PPP1R36: variants seen among roughly 807,000 people sequenced by gnomAD.
PPP1R36 encodes the protein protein phosphatase 1 regulatory subunit 36.
A neutral mutation model predicts 53.4 loss-of-function variants in PPP1R36; 47 were observed. That is an observed-to-expected ratio of 0.88 (90% confidence interval 0.70 to 1.12). PPP1R36 has a LOEUF of 1.12. Among genes scored for constraint, PPP1R36 ranks in the 50% most tolerant of loss-of-function variants. The pLI is 0.00. For synonymous variants in PPP1R36, 153 were observed against 170.5 expected, an observed-to-expected ratio of 0.90 and a Z score of 0.80; for missense variants, 456 against 513.9, an observed-to-expected ratio of 0.89 and a Z score of 1.09.
At chr14:64,569,711 C>A (rs2080288213) in intron 7 of PPP1R36, among the ~76,000 whole-genome samples, 1 of 150,834 alleles carries the variant, frequency 6.6e-6, no homozygotes, top group Non-Finnish European at 1.5e-5. Flanking sequence ...GCTAATCTGG[C>A]AAAAAGATTT....
chr14:64,582,157 T>G (rs532292086), intron 8 of PPP1R36, among the ~76,000 whole-genome samples: 1 of 152,126 alleles, frequency 6.6e-6, no homozygotes, highest in Non-Finnish European at 1.5e-5. Flanking sequence ...CCCAGTCACA[T>G]GCACCAAAGC....
At chr14:64,577,402 C>T (rs10130241) in intron 8 of PPP1R36, among the ~76,000 whole-genome samples, 24,541 of 152,146 alleles carry the variant, frequency 0.16, 2,284 homozygotes, top group East Asian at 0.21. Context: ...CCCACAGTTG[C>T]GGGACTTCTC....
At chr14:64,570,851 C>T (rs2080297287) in intron 7 of PPP1R36, among the ~76,000 whole-genome samples, 1 of 152,128 alleles carries the variant, frequency 6.6e-6, no homozygotes, top group African/African-American at 2.4e-5. Context: ...AAGAAGAAGC[C>T]TTATCCCTAT....
intron 3 of PPP1R36, among the ~76,000 whole-genome samples, chr14:64,555,792 T>G (rs2080145096): frequency 6.6e-6 from 1 of 152,178 alleles, no homozygotes; most frequent in South Asian, 2.1e-4. Flanking sequence ...AGCAAGTAAC[T>G]GTTAACATCT....
At chr14:64,555,430 T>TG (rs2080141112) in intron 3 of PPP1R36, among the ~76,000 whole-genome samples, 2 of 129,024 alleles carry the variant, frequency 1.6e-5, no homozygotes, top group African/African-American at 6.5e-5. Context: ...GAGAAATAAC[T>TG]CTAAGAATAG....
rs771319025 is a variant in PPP1R36 at position 64,552,868 on chromosome 14, G to A, written c.182+7G>A. 1.2e-6 allele frequency: 2 copies of A among 1,611,804 alleles called. No individual in the cohort carries two copies. Among genetic ancestry groups the A allele is most frequent in the East Asian group, 2.2e-5 (1 of 44,858 alleles). On this transcript the variant is annotated splice_region_variant and intron_variant, in intron 3 of 11. Transcript: ENST00000298705. ...TCCTGAAACATCACCCTCAGTGAGT[G>A]TGAGACAGACAGTGAGATAGCTTTG...
At chr14:64,567,036 T>TAA (rs1238359148) in intron 6 of PPP1R36, among the ~76,000 whole-genome samples, 1 of 152,222 alleles carries the variant, frequency 6.6e-6, no homozygotes, top group East Asian at 1.9e-4. Context: ...CACTCCCAAC[T>TAA]AAACTGTTCA....
At chr14:64,581,909 A>C (rs1254111864) in intron 8 of PPP1R36, among the ~76,000 whole-genome samples, 2 of 152,084 alleles carry the variant, frequency 1.3e-5, no homozygotes, top group Non-Finnish European at 2.9e-5. Flanking sequence ...TCCAAGTTAG[A>C]TATGAAAACC....
intron 3 of PPP1R36, among the ~76,000 whole-genome samples, chr14:64,556,127 ATT>A (rs35877479): frequency 1.9e-4 from 24 of 125,380 alleles, no homozygotes; most frequent in African/African-American, 5.7e-4. Context: ...TTGTAGATTG[ATT>A]TTTTTTTTTT....
chr14:64,572,502 A>AT (rs965834926), intron 7 of PPP1R36, among the ~76,000 whole-genome samples: 36 of 151,330 alleles, frequency 2.4e-4, no homozygotes, highest in South Asian at 1.7e-3. Flanking sequence ...TCTCTTGAGT[A>AT]TTTTTTTTTC....
chr14:64,553,223 G>A (rs1165231733), intron 3 of PPP1R36, among the ~76,000 whole-genome samples: 1 of 152,124 alleles, frequency 6.6e-6, no homozygotes, highest in Non-Finnish European at 1.5e-5. Context: ...CCAAAGTGCT[G>A]GGACTACAGG....
chr14:64,554,139 A>ATTTTTTTTT (rs1235272685), intron 3 of PPP1R36, among the ~76,000 whole-genome samples: 1 of 109,018 alleles, frequency 9.2e-6, no homozygotes, highest in Non-Finnish European at 1.9e-5. Flanking sequence ...TCCCATCACA[A>ATTTTTTTTT]TTGTTTTTTT....
chr14:64,558,745 C>G (rs2080179780), intron 3 of PPP1R36, among the ~76,000 whole-genome samples: 1 of 151,756 alleles, frequency 6.6e-6, no homozygotes, highest in Non-Finnish European at 1.5e-5. Context: ...AAGGGGTTCT[C>G]TTGCCTCAGC....
chr14:64,554,540 C>T (rs1037601075), intron 3 of PPP1R36, among the ~76,000 whole-genome samples: 5 of 151,142 alleles, frequency 3.3e-5, no homozygotes, highest in African/African-American at 9.9e-5. Context: ...AGAGAGGACT[C>T]TTGAGCTGGA....
intron 3 of PPP1R36, among the ~76,000 whole-genome samples, chr14:64,559,161 C>A (rs907985679): frequency 2.6e-5 from 4 of 152,110 alleles, no homozygotes; most frequent in Non-Finnish European, 4.4e-5. Context: ...GAGAGAGCCG[C>A]GGCTTTTCCA....
intron 3 of PPP1R36, among the ~76,000 whole-genome samples, chr14:64,554,876 C>T (rs1053717370): frequency 5.3e-5 from 8 of 151,940 alleles, no homozygotes; most frequent in Non-Finnish European, 1.2e-4. Context: ...TTTTTTTAAA[C>T]GCATACTATT....
chr14:64,565,513 C>G, intron 5 of PPP1R36, 59 bp downstream of exon 5: 1 of 1,408,916 alleles, frequency 7.1e-7, no homozygotes, highest in Non-Finnish European at 1.0e-6. Context: ...ATACACATAT[C>G]CATACATAAA....
At chr14:64,576,109 C>T (rs1417043503) in intron 8 of PPP1R36, among the ~76,000 whole-genome samples, 10 of 141,050 alleles carry the variant, frequency 7.1e-5, no homozygotes, top group Non-Finnish European at 1.1e-4. Flanking sequence ...GACAAAGTCT[C>T]GCTCTTGTCC....
chr14:64,561,242 GA>G (rs1308669933), intron 3 of PPP1R36, among the ~76,000 whole-genome samples: 1 of 152,158 alleles, frequency 6.6e-6, no homozygotes, highest in East Asian at 1.9e-4. Flanking sequence ...CTCAGATCAA[GA>G]AAAGATGATC....
Sources: gnomAD v4.1 joint callset for allele counts (sites outside exome capture counted in the v4.1 genomes callset) on GRCh38, gnomAD v4.1.1 for gene constraint, MANE v1.5 for transcripts, NCBI Gene and HGNC (gene_info 2026-07-23, HGNC 2026-07-21) for gene names.